Variants in BAHCC1 observed in about 807,000 individuals in gnomAD.
The protein encoded by BAHCC1 is BAH and coiled-coil domain-containing protein 1.
In BAHCC1, 43 loss-of-function variants were observed where a neutral mutation model predicts 88.2. That is an observed-to-expected ratio of 0.49 (90% CI 0.38 to 0.63). BAHCC1 has a LOEUF of 0.63. Ranked by LOEUF, BAHCC1 falls within the 20% of genes least tolerant of loss-of-function variation. The pLI is 0.00. For missense variants in BAHCC1, 3,023 were observed against 1,654.8 expected (o/e 1.83, Z -14.34); for synonymous variants, 1,510 against 745.5 (o/e 2.03, Z -16.71).
At chr17:81,449,738 T>C (rs1344274078) in intron 11 of BAHCC1, among the ~76,000 whole-genome samples, 4 of 143,762 alleles carry the variant, frequency 2.8e-5, no homozygotes, top group African/African-American at 5.2e-5. Context: ...GCAGCCTGAG[T>C]GTTCCCTTGG....
At position 81,442,275 on chromosome 17, in the gene BAHCC1, G is replaced by C; in HGVS notation, c.926G>C (p.Arg309Pro). 1.6e-6 allele frequency: 1 copy of C among 624,160 alleles called. No individual in the cohort carries two copies. The highest frequency in any genetic ancestry group is 2.9e-6 in the Non-Finnish European group (1 of 346,658). 38.7% of individuals were successfully genotyped at this position (624,160 alleles called of 1,614,324 possible). ...LASCAGGMLGRPGTGVVTSGR... is the reference protein window; with the variant it reads ...LASCAGGMLGPPGTGVVTSGR... Reference sequence around the variant, plus strand: ...AGCTGTGCAGGGGGCATGCTGGGGCGGCCTGGCACGGGGGTGGTGACCTCC... The same window carrying C: ...AGCTGTGCAGGGGGCATGCTGGGGCCGCCTGGCACGGGGGTGGTGACCTCC... Residue 309 changes from arginine to proline, a missense_variant, in exon 5 of 28, where the codon CGG becomes CCG. Coordinates refer to ENST00000675386, the MANE Select transcript of BAHCC1 (RefSeq NM_001377448.1).
chr17:81,405,299 C>CA (rs2063865237), intron 2 of BAHCC1, among the ~76,000 whole-genome samples: 1 of 152,208 alleles, frequency 6.6e-6, no homozygotes, highest in Non-Finnish European at 1.5e-5. Flanking sequence ...CTCCTGAGCT[C>CA]AAGCAATCTG....
intron 11 of BAHCC1, among the ~76,000 whole-genome samples, chr17:81,449,055 C>T (rs550995193): frequency 3.9e-4 from 60 of 152,324 alleles, no homozygotes; most frequent in African/African-American, 1.4e-3. Flanking sequence ...TGTGTATGGC[C>T]AGAGTGGCCG....
At chr17:81,414,915 G>A (rs914880943) in intron 2 of BAHCC1, among the ~76,000 whole-genome samples, 5 of 152,252 alleles carry the variant, frequency 3.3e-5, no homozygotes, top group South Asian at 4.2e-4. Context: ...CTCCCACCCC[G>A]GCCTGTCGCA....
chr17:81,428,088 G>T (rs962246205), intron 3 of BAHCC1, among the ~76,000 whole-genome samples: 1 of 152,160 alleles, frequency 6.6e-6, no homozygotes, highest in Non-Finnish European at 1.5e-5. Flanking sequence ...AGGGGAGGCC[G>T]CTACCTTGGG....
In BAHCC1 at chr17:81,442,699, C is replaced by T. The variant is rs782260970; in HGVS notation, c.1350C>T (p.Gly450=). The change falls in exon 5 of 28, where the codon GGC becomes GGT. Residue 450 remains glycine, a synonymous_variant. Coordinates refer to ENST00000675386, the MANE Select transcript of BAHCC1 (RefSeq NM_001377448.1). ...CCCACCTGAAGGCCGAGGGCAAGGG[C>T]GAGCGGCGGCCTGGGGGCTTTGAGG... ...SYAHLKAEGK[G]ERRPGGFEAA... 16 of 773,546 alleles carry T rather than the reference C, an allele frequency of 2.1e-5. No individual in the cohort carries two copies. The highest frequency in any genetic ancestry group is 5.1e-5 in the African/African-American group (3 of 58,970). The allele number at this position is 773,546 out of a possible 1,614,324, so 47.9% of individuals were successfully genotyped here.
rs1598443964 is a variant in BAHCC1 at position 81,399,292 on chromosome 17, G to A, written c.-206-242G>A. 3.2e-6 allele frequency: 1 copy of A among 310,618 alleles called. No homozygotes were observed. The highest frequency in any genetic ancestry group is 6.6e-6 in the Non-Finnish European group (1 of 151,616). 19.2% of individuals were successfully genotyped at this position (310,618 alleles called of 1,614,324 possible). A position where few individuals can be genotyped will look rare whatever the true frequency, so the allele number is the denominator to read the frequency against. On this transcript the variant is annotated intron_variant, in intron 1 of 27. Coordinates refer to ENST00000675386, the MANE Select transcript of BAHCC1 (RefSeq NM_001377448.1). The surrounding 1 kb of genome is among the most constrained non-coding windows in gnomAD (Gnocchi z 4.5). ...GCGAGCAGTGCGGCTGGGTTCCCCCGGCTGCCCCGGGCCAAGCGTGGCCGG... is the reference window on the plus strand; with the variant it reads ...GCGAGCAGTGCGGCTGGGTTCCCCCAGCTGCCCCGGGCCAAGCGTGGCCGG...
At chr17:81,425,549 TGG>T (rs1298897562) in intron 2 of BAHCC1, among the ~76,000 whole-genome samples, 2 of 18,756 alleles carry the variant, frequency 1.1e-4, no homozygotes, top group Non-Finnish European at 1.0e-4. Context: ...ATGTGGTTGG[TGG>T]GTGATGTGGT....
At chr17:81,449,714 G>A (rs990745814) in intron 11 of BAHCC1, among the ~76,000 whole-genome samples, 1 of 146,420 alleles carries the variant, frequency 6.8e-6, no homozygotes, top group Non-Finnish European at 1.5e-5. Context: ...CATTCCCTGC[G>A]GATCCTGGAC....
At chr17:81,413,100 A>C in intron 2 of BAHCC1, 1 of 445,672 alleles carries the variant, frequency 2.2e-6, no homozygotes, top group Non-Finnish European at 4.5e-6. Flanking sequence ...ACCAGGGTCC[A>C]GGGTTATCAG....
chr17:81,444,690 C>G lies in BAHCC1; in HGVS notation c.2535C>G (p.His845Gln), dbSNP rs782213684. ...HSYGLGHPAL[H>Q]QNLPPGFPAS... ...CAGGCCTGGGGCACCCTGCCCTGCA[C>G]CAGAACCTGCCCCCCGGCTTCCCCG... Residue 845 changes from histidine (H) to glutamine (Q), a missense_variant, in exon 8 of 28, where the codon CAC becomes CAG. Physicochemically the swap from His to Gln is conservative, Grantham distance 24 (BLOSUM62 0). Transcript: ENST00000675386. 4.5e-5 allele frequency: 35 copies of G among 775,178 alleles called. 1 individual carries two copies. In the Middle Eastern group the frequency reaches 6.7e-4, roughly 15 times the overall value. 48.0% of individuals were successfully genotyped at this position (775,178 alleles called of 1,614,324 possible).
In BAHCC1 at chr17:81,459,510, G is replaced by T. The variant is rs1231619622; in HGVS notation, c.5811G>T (p.Arg1937=). The change falls in exon 23 of 28, where the codon CGG becomes CGT. Residue 1937 remains arginine, a synonymous_variant. Coordinates refer to ENST00000675386, the MANE Select transcript of BAHCC1 (RefSeq NM_001377448.1). The stretch of plus-strand genomic sequence containing the variant: ...CGTTCCTGCAGGTTCTCGATGTGCG[G>T]CCACAGTCCAGCCGGTACCTCCCGC... ...QLLQEAVLDV[R]PQSSRYLPPG... is the part of the protein sequence containing the mutation. The T allele has an allele frequency of 5.1e-6, 4 of 779,236 alleles. No homozygotes were observed. The allele number at this position is 779,236 out of a possible 1,614,324, so 48.3% of individuals were successfully genotyped here.
rs1361576885 is a variant in BAHCC1, at chr17:81,434,871, G to A, written c.359-3499G>A. 2.6e-5 allele frequency among the ~76,000 whole-genome samples: 4 copies of A among 152,200 alleles called. No homozygotes were observed. The highest frequency in any genetic ancestry group is 3.9e-4 in the East Asian group (2 of 5,158). On this transcript the variant is annotated intron_variant, in intron 3 of 27. Coordinates refer to ENST00000675386, the MANE Select transcript of BAHCC1 (RefSeq NM_001377448.1). The surrounding 1 kb of genome is among the most constrained non-coding windows in gnomAD (Gnocchi z 4.9). ...ATGTGCTGTGTCAGAACGCAGGAGG[G>A]ATGAGGGGGATGAGGTACCTGGAGT...
At chr17:81,405,835 C>G (rs184882233) in intron 2 of BAHCC1, among the ~76,000 whole-genome samples, 76 of 152,328 alleles carry the variant, frequency 5.0e-4, no homozygotes, top group African/African-American at 1.8e-3. Flanking sequence ...TGTGAGGCAG[C>G]TACTGTGATT....
rs782486920 is a variant in BAHCC1 at position 81,445,536 on chromosome 17, C to T, written c.3018C>T (p.Pro1006=). ...PPDPKPPASS[P]TPPPRPSAPC... ...ACCCAAAGCCCCCCGCCAGCTCCCC[C>T]ACCCCACCACCTCGGCCCAGCGCCC... Residue 1006 remains proline, a synonymous_variant, in exon 10 of 28, where the codon CCC becomes CCT. Coordinates refer to ENST00000675386, the MANE Select transcript of BAHCC1 (RefSeq NM_001377448.1). The T allele has an allele frequency of 3.2e-5, 23 of 727,006 alleles. No homozygotes were observed. The East Asian group carries it at 4.5e-4, about 14-fold the overall frequency. 45.0% of individuals were successfully genotyped at this position (727,006 alleles called of 1,614,324 possible).
intron 2 of BAHCC1, among the ~76,000 whole-genome samples, chr17:81,426,046 C>T (rs72853238): frequency 1.1e-3 from 3 of 2,664 alleles, no homozygotes; most frequent in East Asian, 0.026. Flanking sequence ...TGATGTGGCT[C>T]GTGGTGGTGG....
chr17:81,414,366 C>T (rs1326377413), intron 2 of BAHCC1, among the ~76,000 whole-genome samples: 5 of 152,202 alleles, frequency 3.3e-5, no homozygotes, highest in South Asian at 2.1e-4. Context: ...GGCATGCAGG[C>T]GGCCAGCATC....
intron 3 of BAHCC1, 134 bp downstream of exon 3, chr17:81,427,113 C>T (rs1390758943): frequency 1.5e-5 from 6 of 398,140 alleles, no homozygotes; most frequent in East Asian, 1.1e-4. Context: ...CAAGCAGGCT[C>T]GGGTGAGGCT....
chr17:81,456,153 A>T (rs1396005219), intron 15 of BAHCC1, 144 bp from the exon 16 acceptor site: 1 of 578,304 alleles, frequency 1.7e-6, no homozygotes, highest in Non-Finnish European at 3.0e-6. Flanking sequence ...TGGGCCAGAC[A>T]TCCCTTCAGC....
Sources: allele counts gnomAD v4.1 joint callset (sites outside exome capture counted in the v4.1 genomes callset), GRCh38; gene constraint gnomAD v4.1.1; non-coding constraint Gnocchi (gnomAD v3.1); transcripts MANE v1.5; gene names NCBI Gene and HGNC (gene_info 2026-07-23, HGNC 2026-07-21).